PRKG1: variants seen among roughly 807,000 people sequenced by gnomAD.
The protein encoded by PRKG1 is protein kinase cGMP-dependent 1, also known as cGMP-dependent protein kinase 1.
Under a neutral mutation model 88.1 loss-of-function variants are expected in PRKG1, and 35 were observed. That is an observed-to-expected ratio of 0.40 (90% CI 0.30 to 0.53). The LOEUF (loss-of-function observed/expected upper bound fraction) is 0.53, where lower values mean the gene tolerates loss of function less well. PRKG1 is among the 20% of genes least tolerant of loss of function. PRKG1 has a pLI of 0.59. For synonymous variants in PRKG1, 303 were observed against 292.5 expected (o/e 1.04, Z -0.37); for missense variants, 540 against 839.8 (o/e 0.64, Z 4.41).
intron 3 of PRKG1, among the ~76,000 whole-genome samples, chr10:51,657,455 A>G (rs947494775): frequency 6.6e-6 from 1 of 152,158 alleles, no homozygotes; most frequent in Admixed American, 6.6e-5. Context: ...TGCAGAGTGG[A>G]AGATTATGAA....
At chr10:51,935,653 A>AAT (rs1304368437) in intron 5 of PRKG1, among the ~76,000 whole-genome samples, 1 of 152,116 alleles carries the variant, frequency 6.6e-6, no homozygotes, top group East Asian at 1.9e-4. Context: ...TATTCCTTAT[A>AAT]ATATGTGTCC....
chr10:51,238,357 G>A (rs1468530420), intron 2 of PRKG1, among the ~76,000 whole-genome samples: 2 of 152,144 alleles, frequency 1.3e-5, no homozygotes, highest in Non-Finnish European at 2.9e-5. Context: ...GAAGCAGGCA[G>A]GTCACCTGAG....
At chr10:52,167,447 A>G (rs572926316) in intron 9 of PRKG1, among the ~76,000 whole-genome samples, 4 of 152,242 alleles carry the variant, frequency 2.6e-5, no homozygotes, top group Non-Finnish European at 5.9e-5. Flanking sequence ...TATTCAAACC[A>G]TATCAGCATC....
chr10:51,476,203 T>C (rs189207461), intron 3 of PRKG1, among the ~76,000 whole-genome samples: 63 of 152,076 alleles, frequency 4.1e-4, no homozygotes, highest in Non-Finnish European at 6.5e-4. Context: ...TTCCTTGGAA[T>C]TGAGACCTGT....
intron 4 of PRKG1, among the ~76,000 whole-genome samples, chr10:51,835,008 A>G (rs1181622791): frequency 6.6e-6 from 1 of 152,160 alleles, no homozygotes; most frequent in Non-Finnish European, 1.5e-5. Context: ...AGACTAAAAA[A>G]AGATGAAAGA....
chr10:51,568,025 A>G (rs542125533), intron 3 of PRKG1, among the ~76,000 whole-genome samples: 2 of 152,142 alleles, frequency 1.3e-5, no homozygotes, highest in South Asian at 2.1e-4. Context: ...TTCCCTGTTC[A>G]TGGAAAAAAT....
intron 7 of PRKG1, among the ~76,000 whole-genome samples, chr10:52,095,618 T>C (rs996024159): frequency 2.6e-5 from 4 of 152,148 alleles, no homozygotes; most frequent in Non-Finnish European, 4.4e-5. Context: ...AAATATGCTT[T>C]AACAATATTA....
intron 2 of PRKG1, among the ~76,000 whole-genome samples, chr10:51,441,596 GGCTA>G (rs1231872150): frequency 1.3e-5 from 2 of 151,856 alleles, no homozygotes; most frequent in Non-Finnish European, 2.9e-5. Flanking sequence ...TAGGTGGAGT[GGCTA>G]GAATCCACAC....
chr10:51,692,304 G>A (rs1372220112), intron 3 of PRKG1, among the ~76,000 whole-genome samples: 5 of 151,562 alleles, frequency 3.3e-5, no homozygotes, highest in South Asian at 4.2e-4. Context: ...GTGCAGTGGC[G>A]CGATCTCGGC....
intron 3 of PRKG1, among the ~76,000 whole-genome samples, chr10:51,711,094 C>A (rs1841737295): frequency 2.6e-5 from 4 of 152,028 alleles, no homozygotes. Context: ...GAGAACTTTG[C>A]TTCCTAAGCT....
chr10:51,305,614 T>C (rs1589338742), intron 2 of PRKG1, among the ~76,000 whole-genome samples: 4 of 152,312 alleles, frequency 2.6e-5, no homozygotes, highest in Admixed American at 6.5e-5. Flanking sequence ...GAATGTTCTA[T>C]ACCTTGAGTG....
chr10:51,398,232 G>A (rs1837633170), intron 2 of PRKG1, among the ~76,000 whole-genome samples: 1 of 152,166 alleles, frequency 6.6e-6, no homozygotes, highest in Admixed American at 6.5e-5. Flanking sequence ...GTTTCAGGAT[G>A]AAACTGTTTC....
intron 9 of PRKG1, among the ~76,000 whole-genome samples, chr10:52,166,365 C>T (rs1246044817): frequency 6.6e-6 from 1 of 151,082 alleles, no homozygotes; most frequent in Non-Finnish European, 1.5e-5. Flanking sequence ...TGAATGAATA[C>T]TTTCACTATT....
intron 5 of PRKG1, among the ~76,000 whole-genome samples, chr10:51,999,192 A>G (rs573906549): frequency 6.6e-6 from 1 of 152,302 alleles, no homozygotes; most frequent in African/African-American, 2.4e-5. Context: ...CCCAAGCTAA[A>G]TCTCAGTTAT....
intron 7 of PRKG1, among the ~76,000 whole-genome samples, chr10:52,066,132 A>G (rs1238809309): frequency 6.6e-6 from 1 of 152,104 alleles, no homozygotes; most frequent in Non-Finnish European, 1.5e-5. Context: ...TTTGCTAGTT[A>G]CCTCATGAAA....
intron 2 of PRKG1, among the ~76,000 whole-genome samples, chr10:51,346,243 A>G (rs1463738105): frequency 1.3e-5 from 2 of 152,246 alleles, no homozygotes; most frequent in Non-Finnish European, 2.9e-5. Flanking sequence ...AATTGGATTC[A>G]GAAAAGAAGT....
At chr10:51,502,814 C>A (rs754046841) in intron 3 of PRKG1, among the ~76,000 whole-genome samples, 6 of 152,074 alleles carry the variant, frequency 3.9e-5, no homozygotes, top group Non-Finnish European at 8.8e-5. Context: ...AATCTAAGTC[C>A]TTCTCCTTCT....
At chr10:51,303,525 G>A (rs1840949555) in intron 2 of PRKG1, among the ~76,000 whole-genome samples, 1 of 151,622 alleles carries the variant, frequency 6.6e-6, no homozygotes, top group African/African-American at 2.4e-5. Flanking sequence ...TCAACTCAAT[G>A]ATTAGCAATT....
intron 4 of PRKG1, among the ~76,000 whole-genome samples, chr10:51,893,442 G>A (rs192630315): frequency 6.6e-6 from 1 of 152,204 alleles, no homozygotes; most frequent in East Asian, 1.9e-4. Context: ...ACAATGGGTG[G>A]CATACAGAGA....
Sources: gnomAD v4.1 joint callset for allele counts (sites outside exome capture counted in the v4.1 genomes callset) on GRCh38, gnomAD v4.1.1 for gene constraint, MANE v1.5 for transcripts, NCBI Gene and HGNC (gene_info 2026-07-23, HGNC 2026-07-21) for gene names.